Variants in LPP observed in about 807,000 individuals in gnomAD.
The protein encoded by LPP is LIM domain containing preferred translocation partner in lipoma.
In LPP, 38 loss-of-function variants were observed where a neutral mutation model predicts 60.4. The observed-to-expected ratio is 0.63, with a 90% confidence interval of 0.49 to 0.83. The LOEUF is 0.83. Ranked by LOEUF, LPP falls within the 40% of genes least tolerant of loss-of-function variation. The pLI is 0.00. For missense variants in LPP, 902 were observed against 783.6 expected (o/e 1.15, Z -1.80); for synonymous variants, 328 against 290.8 (o/e 1.13, Z -1.30).
chr3:188,686,435 A>C (rs904208277), intron 7 of LPP, among the ~76,000 whole-genome samples: 1 of 152,158 alleles, frequency 6.6e-6, no homozygotes, highest in Non-Finnish European at 1.5e-5. Flanking sequence ...GGAGAAATTT[A>C]ATGGGCATAG....
chr3:188,721,740 C>T (rs576083269), intron 8 of LPP, among the ~76,000 whole-genome samples: 15 of 152,146 alleles, frequency 9.9e-5, no homozygotes, highest in African/African-American at 2.7e-4. Flanking sequence ...CTTTTGCATG[C>T]GGAGTCATCA....
rs550865735 is a variant in LPP, at chr3:188,445,639, T to TA, written c.194-38942dup. Among the ~76,000 whole-genome samples the TA allele has an allele frequency of 1.6e-4, 23 of 146,180 alleles. No individual in the cohort carries two copies. In the South Asian group the frequency reaches 1.7e-3, roughly 11 times the overall value. ...GTATCCCAGAACTTAAAGTATAATT[T>TA]AAAAAAAAAAAGTAAAAAAGACATT... On this transcript the variant is annotated intron_variant, in intron 4 of 11. Coordinates refer to ENST00000617246, the MANE Select transcript of LPP (RefSeq NM_001375462.1).
intron 2 of LPP, among the ~76,000 whole-genome samples, chr3:188,254,496 CTT>C (rs1730990176): frequency 6.6e-6 from 1 of 152,160 alleles, no homozygotes; most frequent in South Asian, 2.1e-4. Context: ...CTCAATGCCA[CTT>C]TTATACACAT....
At chr3:188,240,173 T>C (rs1443081386) in intron 2 of LPP, 2 of 184,172 alleles carry the variant, frequency 1.1e-5, no homozygotes, top group East Asian at 1.8e-4. Flanking sequence ...GTGGGGTTTA[T>C]GTGTAAATGA....
chr3:188,379,001 A>G lies in LPP; in HGVS notation c.-9-27111A>G, dbSNP rs886566412. ...CAGGGCCACTGCTTACAGCTGCTCAAGTTGTGCCTTGCTTGAGGGCAGGAG... is the reference window on the plus strand; with the variant it reads ...CAGGGCCACTGCTTACAGCTGCTCAGGTTGTGCCTTGCTTGAGGGCAGGAG... On this transcript the variant is annotated intron_variant, in intron 3 of 11. Transcript: ENST00000617246. Among the ~76,000 whole-genome samples the G allele has an allele frequency of 5.9e-5, 9 of 152,096 alleles. No homozygotes were observed. In the East Asian group the frequency reaches 1.7e-3, roughly 29 times the overall value.
intron 3 of LPP, among the ~76,000 whole-genome samples, chr3:188,350,500 G>T (rs149084674): frequency 4.6e-5 from 7 of 152,330 alleles, no homozygotes; most frequent in Non-Finnish European, 1.0e-4. Context: ...ACAGACATGT[G>T]TAGCTGAGAG....
chr3:188,650,686 A>G (rs948146663), intron 7 of LPP, among the ~76,000 whole-genome samples: 6 of 152,220 alleles, frequency 3.9e-5, no homozygotes, highest in Admixed American at 2.6e-4. Context: ...GCAGAGCAAT[A>G]GGGCATTTGA....
intron 9 of LPP, among the ~76,000 whole-genome samples, chr3:188,822,035 C>T (rs182911639): frequency 2.6e-5 from 4 of 152,090 alleles, no homozygotes; most frequent in African/African-American, 4.8e-5. Context: ...CTCTAGAATA[C>T]GAAGGAATGG....
intron 6 of LPP, among the ~76,000 whole-genome samples, chr3:188,604,207 G>A (rs569721431): frequency 6.6e-6 from 1 of 152,112 alleles, no homozygotes; most frequent in East Asian, 1.9e-4. Flanking sequence ...CTCAATGCCT[G>A]TTACATAGTA....
rs192583336 is a variant in LPP at position 188,786,199 on chromosome 3, C to A, written c.1410+25917C>A. On this transcript the variant is annotated intron_variant, in intron 9 of 11. Transcript: ENST00000617246. ...GTTCGAAACCAGTGTGGCCAACATG[C>A]TGAAACCCTGTCTCTACTAAAAATA... Among the ~76,000 whole-genome samples, 322 of 151,452 alleles carry A rather than the reference C, an allele frequency of 2.1e-3. 1 individual carries two copies. The highest frequency in any genetic ancestry group is 7.7e-3 in the African/African-American group (317 of 41,298).
chr3:188,198,481 A>G (rs1332648412), intron 1 of LPP, among the ~76,000 whole-genome samples: 1 of 152,174 alleles, frequency 6.6e-6, no homozygotes, highest in Non-Finnish European at 1.5e-5. Context: ...GCTGAAGGGT[A>G]TGGTGGATAG....
chr3:188,360,839 GAC>G (rs1769082986), intron 3 of LPP, among the ~76,000 whole-genome samples: 1 of 152,146 alleles, frequency 6.6e-6, no homozygotes, highest in African/African-American at 2.4e-5. Context: ...TGTGTTCTTG[GAC>G]ATCTTATGGA....
chr3:188,598,528 C>T (rs1028361099), intron 6 of LPP, among the ~76,000 whole-genome samples: 2 of 152,064 alleles, frequency 1.3e-5, no homozygotes, highest in Non-Finnish European at 2.9e-5. Flanking sequence ...ATTGTGATCA[C>T]GTTTATAACA....
At chr3:188,789,987 G>A (rs1045112588) in intron 9 of LPP, among the ~76,000 whole-genome samples, 14 of 152,070 alleles carry the variant, frequency 9.2e-5, no homozygotes, top group Non-Finnish European at 1.8e-4. Flanking sequence ...CAACCTTTTC[G>A]AAACAAAATT....
chr3:188,749,171 A>T (rs1356567336), intron 8 of LPP, among the ~76,000 whole-genome samples: 1 of 152,206 alleles, frequency 6.6e-6, no homozygotes, highest in African/African-American at 2.4e-5. Flanking sequence ...ACTGTTAGGT[A>T]GAAGGAGAAA....
intron 6 of LPP, among the ~76,000 whole-genome samples, chr3:188,593,315 CTCTT>C (rs1839320282): frequency 6.6e-6 from 1 of 152,076 alleles, no homozygotes; most frequent in African/African-American, 2.4e-5. Context: ...CTCTCTCTCT[CTCTT>C]CTCTCTCCCT....
chr3:188,362,554 T>C (rs1021838934), intron 3 of LPP, among the ~76,000 whole-genome samples: 13 of 152,194 alleles, frequency 8.5e-5, no homozygotes, highest in Non-Finnish European at 1.9e-4. Context: ...GCTTTTGTTT[T>C]TATTTGCAGT....
At chr3:188,756,269 T>C (rs1730194971) in intron 8 of LPP, among the ~76,000 whole-genome samples, 1 of 152,170 alleles carries the variant, frequency 6.6e-6, no homozygotes. Context: ...ATTTTTGGTT[T>C]TGTTTGGAAA....
rs560798304 is a variant in LPP, at chr3:188,379,181, T to G, written c.-9-26931T>G. On this transcript the variant is annotated intron_variant, in intron 3 of 11. Coordinates refer to ENST00000617246, the MANE Select transcript of LPP (RefSeq NM_001375462.1). ...CATAAGACACAAGTTTGGTTTTGTC[T>G]GAAAGCACTGGTAGTTTAGTTGGTG... 9.2e-5 allele frequency among the ~76,000 whole-genome samples: 14 copies of G among 152,248 alleles called. No homozygotes were observed. In the East Asian group the frequency reaches 1.7e-3, roughly 19 times the overall value.
Sources: allele counts gnomAD v4.1 joint callset (sites outside exome capture counted in the v4.1 genomes callset), GRCh38; gene constraint gnomAD v4.1.1; transcripts MANE v1.5; gene names NCBI Gene and HGNC (gene_info 2026-07-23, HGNC 2026-07-21).